Variants in ERBB4 observed in about 807,000 individuals in gnomAD.
ERBB4 encodes receptor tyrosine-protein kinase erbB-4.
A neutral mutation model predicts 158.0 loss-of-function variants in ERBB4; 42 were observed. The ratio of observed to expected loss-of-function variants is 0.27; its 90% CI spans 0.21 to 0.34. The LOEUF (loss-of-function observed/expected upper bound fraction) is 0.34. Ranked by LOEUF, ERBB4 falls within the 10% of genes least tolerant of loss-of-function variation. ERBB4 has a pLI of 1.00. For synonymous variants in ERBB4, 583 were observed against 558.7 expected (o/e 1.04, Z -0.61); for missense variants, 1,333 against 1,624.1 (o/e 0.82, Z 3.08).
At chr2:211,674,133 A>G (rs978645824) in intron 13 of ERBB4, among the ~76,000 whole-genome samples, 3 of 152,132 alleles carry the variant, frequency 2.0e-5, no homozygotes, top group Non-Finnish European at 4.4e-5. Context: ...TCCCACTAAA[A>G]TACAGGAGGA....
chr2:211,828,431 C>T (rs2105962761), intron 3 of ERBB4, among the ~76,000 whole-genome samples: 1 of 152,222 alleles, frequency 6.6e-6, no homozygotes, highest in Non-Finnish European at 1.5e-5. Context: ...TGGCATGCCT[C>T]CACATCTGTG....
chr2:212,066,400 T>C (rs1326958705), intron 2 of ERBB4, among the ~76,000 whole-genome samples: 5 of 152,000 alleles, frequency 3.3e-5, no homozygotes, highest in Non-Finnish European at 2.9e-5. Context: ...CTTTTGGACA[T>C]TTTGTAAGGA....
intron 16 of ERBB4, among the ~76,000 whole-genome samples, chr2:211,635,612 AT>A (rs1389341687): frequency 1.3e-5 from 2 of 152,150 alleles, no homozygotes; most frequent in Non-Finnish European, 2.9e-5. Flanking sequence ...CACAAAAAAA[AT>A]GTAATAAAGT....
At chr2:211,396,543 T>C (rs1291922195) in intron 25 of ERBB4, among the ~76,000 whole-genome samples, 1 of 152,192 alleles carries the variant, frequency 6.6e-6, no homozygotes, top group East Asian at 1.9e-4. Context: ...AACATTTCAA[T>C]AATAGTATTT....
intron 2 of ERBB4, among the ~76,000 whole-genome samples, chr2:212,124,328 A>G (rs1195500711): frequency 6.6e-6 from 1 of 151,718 alleles, no homozygotes; most frequent in Non-Finnish European, 1.5e-5. Flanking sequence ...TTTTTTTTTA[A>G]TAACAGTGTT....
intron 19 of ERBB4, 81 bp downstream of exon 19, chr2:211,619,096 T>C: frequency 1.2e-6 from 1 of 813,840 alleles, no homozygotes. Flanking sequence ...GTTGTGGAGT[T>C]TGGTTTTGTT....
chr2:211,744,620 T>C (rs1188041205), intron 5 of ERBB4, among the ~76,000 whole-genome samples: 2 of 152,194 alleles, frequency 1.3e-5, no homozygotes, highest in Admixed American at 6.5e-5. Context: ...TTCATTTTCA[T>C]GAACTTGTTC....
chr2:211,407,635 T>G (rs2063172965), intron 25 of ERBB4, among the ~76,000 whole-genome samples: 1 of 152,226 alleles, frequency 6.6e-6, no homozygotes, highest in Non-Finnish European at 1.5e-5. Context: ...CACGGTGGTC[T>G]ACCCATCTCT....
chr2:212,060,876 G>C (rs947302615), intron 2 of ERBB4, among the ~76,000 whole-genome samples: 2 of 150,710 alleles, frequency 1.3e-5, no homozygotes, highest in African/African-American at 4.9e-5. Flanking sequence ...GAGTTAAAGA[G>C]TGCAGCACAC....
chr2:212,206,321 C>T (rs1245854511), intron 1 of ERBB4, among the ~76,000 whole-genome samples: 1 of 152,116 alleles, frequency 6.6e-6, no homozygotes, highest in Non-Finnish European at 1.5e-5. Context: ...GGGTTCAAAT[C>T]CTAGGATTGC....
rs1053565226 is a variant in ERBB4 at position 212,350,959 on chromosome 2, C to T, written c.82+187490G>A. Reference sequence around the variant, plus strand: ...GGAAAATGACCTGCACACATATCTCCATGGAGCAGGGAAGGGCTATTATTA... The same window carrying T: ...GGAAAATGACCTGCACACATATCTCTATGGAGCAGGGAAGGGCTATTATTA... On this transcript the variant is annotated intron_variant, in intron 1 of 27. Coordinates refer to ENST00000342788, the MANE Select transcript of ERBB4 (RefSeq NM_005235.3). Among the ~76,000 whole-genome samples, 3 of 152,102 alleles carry T rather than the reference C, an allele frequency of 2.0e-5. No homozygotes were observed. The East Asian group carries it at 5.8e-4, about 29-fold the overall frequency.
intron 1 of ERBB4, among the ~76,000 whole-genome samples, chr2:212,257,890 G>C (rs1443603063): frequency 1.3e-5 from 2 of 152,100 alleles, no homozygotes; most frequent in East Asian, 3.9e-4. Flanking sequence ...AAGTGACTGT[G>C]ATTGTCAGTC....
intron 2 of ERBB4, among the ~76,000 whole-genome samples, chr2:211,973,816 G>A (rs1352009004): frequency 6.6e-6 from 1 of 152,078 alleles, no homozygotes; most frequent in African/African-American, 2.4e-5. Flanking sequence ...CAATAGCAAA[G>A]ACATGGATTC....
rs548073433 is a variant in ERBB4 at position 212,278,354 on chromosome 2, CT to C, written c.83-153452del. ...AGACAATTTGAAGATTTCCTTTTGA[CT>C]TTATCAAACATAATTGAATTTATAC... On this transcript the variant is annotated intron_variant, in intron 1 of 27. Coordinates refer to ENST00000342788, the MANE Select transcript of ERBB4 (RefSeq NM_005235.3). Among the ~76,000 whole-genome samples, 23 of 151,740 alleles carry C rather than the reference CT, an allele frequency of 1.5e-4. No individual in the cohort carries two copies. In the South Asian group the frequency reaches 2.7e-3, roughly 18 times the overall value.
At chr2:212,083,583 C>T (rs1575609094) in intron 2 of ERBB4, among the ~76,000 whole-genome samples, 3 of 151,786 alleles carry the variant, frequency 2.0e-5, no homozygotes, top group East Asian at 1.9e-4. Context: ...AGAGACTGCC[C>T]GCACTAAAAG....
At chr2:212,040,885 C>G (rs762700007) in intron 2 of ERBB4, among the ~76,000 whole-genome samples, 1 of 152,120 alleles carries the variant, frequency 6.6e-6, no homozygotes, top group Non-Finnish European at 1.5e-5. Flanking sequence ...TTCTGCCTAT[C>G]TAGACCCTAT....
intron 3 of ERBB4, among the ~76,000 whole-genome samples, chr2:211,806,722 G>C (rs1243407241): frequency 6.6e-6 from 1 of 152,056 alleles, no homozygotes; most frequent in Non-Finnish European, 1.5e-5. Context: ...AAAACATGTA[G>C]TGTAAGAAAA....
chr2:212,431,522 C>T (rs1163188868), intron 1 of ERBB4, among the ~76,000 whole-genome samples: 1 of 152,024 alleles, frequency 6.6e-6, no homozygotes, highest in Middle Eastern at 3.2e-3. Context: ...TGACTCTGTT[C>T]AGAGTATTCT....
intron 1 of ERBB4, among the ~76,000 whole-genome samples, chr2:212,502,299 TAAC>T (rs1690940980): frequency 6.6e-6 from 1 of 152,176 alleles, no homozygotes; most frequent in Non-Finnish European, 1.5e-5. Context: ...GTGTATTACT[TAAC>T]AATAAAAATT....
Sources: allele counts gnomAD v4.1 joint callset (sites outside exome capture counted in the v4.1 genomes callset), GRCh38; gene constraint gnomAD v4.1.1; transcripts MANE v1.5; gene names NCBI Gene and HGNC (gene_info 2026-07-23, HGNC 2026-07-21).